DOCK7: variants seen among roughly 807,000 people sequenced by gnomAD.
DOCK7 encodes dedicator of cytokinesis protein 7.
DOCK7 carries 138 observed loss-of-function variants against 271.0 expected under a neutral mutation model. The observed-to-expected ratio is 0.51, with a 90% CI of 0.44 to 0.59. The LOEUF (loss-of-function observed/expected upper bound fraction) is 0.59, where lower values mean the gene tolerates loss of function less well. DOCK7 is among the 20% of genes least tolerant of loss of function. The pLI, the probability that DOCK7 is intolerant of heterozygous loss-of-function variation, is 0.00. For missense variants in DOCK7, 2,066 were observed against 2,592.4 expected, an observed-to-expected ratio of 0.80 and a Z score of 4.41; for synonymous variants, 823 against 876.1, an observed-to-expected ratio of 0.94 and a Z score of 1.07.
intron 1 of DOCK7, among the ~76,000 whole-genome samples, chr1:62,687,264 G>T (rs980081335): frequency 1.7e-4 from 26 of 152,162 alleles, no homozygotes; most frequent in Non-Finnish European, 1.0e-4. Flanking sequence ...ACTCCACAAA[G>T]AAATTCTACA....
Position 62,633,589 on chromosome 1 carries a change from C to A in DOCK7, c.1036-11G>T. On this transcript the variant is annotated splice_polypyrimidine_tract_variant and intron_variant, in intron 9 of 49. Coordinates refer to ENST00000635253, the MANE Select transcript of DOCK7 (RefSeq NM_001367561.1). ...TAGGACTTTTTCTAGCTGTCAAAGG[C>A]AAAAAAAGTTAAGATTAAGCTTTTA... 2 of 1,596,604 alleles carry A rather than the reference C, an allele frequency of 1.3e-6. No individual in the cohort carries two copies. Among genetic ancestry groups the A allele is most frequent in the Non-Finnish European group, 1.7e-6 (2 of 1,169,286 alleles).
chr1:62,644,927 T>G (rs1270768576), intron 7 of DOCK7, among the ~76,000 whole-genome samples: 1 of 152,182 alleles, frequency 6.6e-6, no homozygotes, highest in East Asian at 1.9e-4. Flanking sequence ...TCATTCTATA[T>G]TTTATTTCTC....
chr1:62,568,205 G>C (rs1646588749), intron 18 of DOCK7, among the ~76,000 whole-genome samples: 1 of 151,904 alleles, frequency 6.6e-6, no homozygotes, highest in Admixed American at 6.6e-5. Flanking sequence ...AAACCAATGA[G>C]AACAAAAAGA....
At chr1:62,679,306 T>C (rs990899235) in intron 1 of DOCK7, among the ~76,000 whole-genome samples, 6 of 151,988 alleles carry the variant, frequency 3.9e-5, no homozygotes. Flanking sequence ...ACTGAGAACA[T>C]ACAGCTTTCA....
At chr1:62,494,519 G>A (rs1394090653) in intron 39 of DOCK7, 52 bp from the exon 40 acceptor site, 6 of 1,532,760 alleles carry the variant, frequency 3.9e-6, no homozygotes, top group Non-Finnish European at 5.3e-6. Flanking sequence ...CAAGCTGGGA[G>A]GGAGTTTAGA....
intron 22 of DOCK7, among the ~76,000 whole-genome samples, chr1:62,547,057 T>G: frequency 6.6e-6 from 1 of 152,146 alleles, no homozygotes; most frequent in East Asian, 1.9e-4. Context: ...ACTCTTAAAT[T>G]TACTTAACTT....
intron 41 of DOCK7, among the ~76,000 whole-genome samples, chr1:62,491,905 A>G (rs549698997): frequency 6.6e-6 from 1 of 152,338 alleles, no homozygotes; most frequent in Non-Finnish European, 1.5e-5. Context: ...GTTAATAAAC[A>G]AGCAAACGAA....
rs1346534477 is a variant in DOCK7, at chr1:62,688,222, T to C, written c.38+5A>G. On this transcript the variant is annotated splice_donor_5th_base_variant and intron_variant, in intron 1 of 49. Transcript: ENST00000635253. ...GCGGCGGCGCGCCCCACGCCGGATA[T>C]TTACCTGCTGATCTTCTGGGCGAAG... is the stretch of plus-strand genomic sequence containing the variant. 7.3e-7 allele frequency: 1 copy of C among 1,378,434 alleles called. No homozygotes were observed. Among genetic ancestry groups the C allele is most frequent in the East Asian group, 3.3e-5 (1 of 29,866 alleles). The allele number at this position is 1,378,434 out of a possible 1,614,324, so 85.4% of individuals were successfully genotyped here. A position where few individuals can be genotyped will look rare whatever the true frequency, so the allele number is the denominator to read the frequency against.
chr1:62,544,289 C>T (rs1196436500), intron 23 of DOCK7, among the ~76,000 whole-genome samples: 2 of 152,098 alleles, frequency 1.3e-5, no homozygotes, highest in Admixed American at 1.3e-4. Context: ...CCAAAGCCAA[C>T]ACAGATGAGA....
At chr1:62,543,560 G>GTA (rs1645603519) in intron 24 of DOCK7, 96 bp downstream of exon 24, 3 of 857,280 alleles carry the variant, frequency 3.5e-6, no homozygotes, top group African/African-American at 1.7e-5. Flanking sequence ...TGCAATTACT[G>GTA]TAAGTATCTC....
intron 14 of DOCK7, chr1:62,604,963 CA>C (rs1571738080): frequency 1.9e-5 from 14 of 726,664 alleles, no homozygotes; most frequent in Middle Eastern, 4.0e-4. Flanking sequence ...TAAGATTAAA[CA>C]TACAATCACA....
chr1:62,636,535 A>C lies in DOCK7; in HGVS notation c.885+2T>G. 1 of 1,593,782 alleles carries C rather than the reference A, an allele frequency of 6.3e-7. No individual in the cohort carries two copies. Among genetic ancestry groups the C allele is most frequent in the African/African-American group, 1.3e-5 (1 of 74,546 alleles). ...AACTATGGTCAAATTATATAATCTT[A>C]CCTTTTTCTTTTCCTTGACATCATA... On this transcript the variant is annotated splice_donor_variant, in intron 8 of 49. Coordinates refer to ENST00000635253, the MANE Select transcript of DOCK7 (RefSeq NM_001367561.1). LOFTEE classifies it high-confidence loss of function.
chr1:62,521,328 T>C (rs976612081), intron 31 of DOCK7, among the ~76,000 whole-genome samples: 20 of 151,976 alleles, frequency 1.3e-4, no homozygotes, highest in African/African-American at 3.6e-4. Flanking sequence ...AGGCTGAAAA[T>C]ACATATCAAA....
chr1:62,535,654 C>G (rs751947889), intron 28 of DOCK7, 22 bp from the exon 29 acceptor site: 7 of 1,609,324 alleles, frequency 4.3e-6, no homozygotes, highest in Non-Finnish European at 5.9e-6. Context: ...TGAGGCAGAA[C>G]AAGACTATAA....
intron 12 of DOCK7, among the ~76,000 whole-genome samples, chr1:62,622,490 G>A (rs1228677850): frequency 2.6e-5 from 4 of 151,730 alleles, no homozygotes; most frequent in Admixed American, 2.0e-4. Context: ...GCCTCACTTT[G>A]TCACCCAGGC....
intron 11 of DOCK7, chr1:62,629,611 T>C (rs1654373578): frequency 6.6e-6 from 1 of 152,224 alleles, no homozygotes; most frequent in Admixed American, 6.5e-5. Context: ...TGACCACTGC[T>C]AATGGGTACA....
intron 1 of DOCK7, among the ~76,000 whole-genome samples, chr1:62,680,540 G>A (rs1433504171): frequency 6.6e-6 from 1 of 151,686 alleles, no homozygotes; most frequent in East Asian, 1.9e-4. Context: ...TGACAAATGG[G>A]ATCTAATTAA....
chr1:62,489,094 G>T, intron 41 of DOCK7, 29 bp from the exon 42 acceptor site: 1 of 1,534,868 alleles, frequency 6.5e-7, no homozygotes, highest in Non-Finnish European at 8.8e-7. Flanking sequence ...TTAAGATGTT[G>T]CTTTCTTTTA....
At chr1:62,581,059 A>G (rs986287315) in intron 16 of DOCK7, among the ~76,000 whole-genome samples, 3 of 152,128 alleles carry the variant, frequency 2.0e-5, no homozygotes, top group African/African-American at 7.2e-5. Flanking sequence ...TAAAATATAT[A>G]CCATCCAGTC....
Sources: gnomAD v4.1 joint callset for allele counts (sites outside exome capture counted in the v4.1 genomes callset) on GRCh38, gnomAD v4.1.1 for gene constraint, MANE v1.5 for transcripts, NCBI Gene and HGNC (gene_info 2026-07-23, HGNC 2026-07-21) for gene names.